Variants in GRM5 observed in about 807,000 individuals in gnomAD.
GRM5 encodes the protein metabotropic glutamate receptor 5.
A neutral mutation model predicts 83.1 loss-of-function variants in GRM5; 19 were observed. The observed-to-expected ratio is 0.23, with a 90% CI of 0.16 to 0.34. GRM5 has a LOEUF of 0.34. Ranked by LOEUF, GRM5 falls within the 10% of genes least tolerant of loss-of-function variation. The probability of loss-of-function intolerance (pLI) is 1.00; values close to 1 mark genes in which losing one functional copy is unlikely to be tolerated. For synonymous variants in GRM5, 675 were observed against 633.6 expected (o/e 1.07, Z -0.98); for missense variants, 1,160 against 1,588.3 (o/e 0.73, Z 4.58).
intron 3 of GRM5, among the ~76,000 whole-genome samples, chr11:88,815,077 G>A (rs1190435372): frequency 2.0e-5 from 3 of 152,022 alleles, no homozygotes; most frequent in Non-Finnish European, 2.9e-5. Context: ...ACTCAACAAG[G>A]GCTAACTGAA....
chr11:88,936,339 T>C (rs182263619), intron 2 of GRM5, among the ~76,000 whole-genome samples: 18 of 152,020 alleles, frequency 1.2e-4, no homozygotes, highest in Non-Finnish European at 7.4e-5. Flanking sequence ...CAGATGACCA[T>C]ATTGTTTTAA....
rs74362030 is a variant in GRM5, at chr11:89,060,305, C to T, written c.-201+5471G>A. ...ATATATACACACACACACACACACA[C>T]ATATATATGAATGAAATATATGTTT... On this transcript the variant is annotated intron_variant, in intron 1 of 9. Transcript: ENST00000305447. 1.3e-3 allele frequency among the ~76,000 whole-genome samples: 199 copies of T among 149,778 alleles called. 1 individual carries two copies. Among genetic ancestry groups the T allele is most frequent in the Non-Finnish European group, 2.3e-3 (156 of 67,316 alleles).
intron 3 of GRM5, among the ~76,000 whole-genome samples, chr11:88,826,030 C>A (rs901235612): frequency 2.0e-5 from 3 of 152,108 alleles, no homozygotes; most frequent in Admixed American, 2.0e-4. Flanking sequence ...TGATGAATCT[C>A]ACTCTAGGTG....
intron 3 of GRM5, among the ~76,000 whole-genome samples, chr11:88,845,242 T>A (rs1427692433): frequency 2.0e-5 from 3 of 151,290 alleles, no homozygotes; most frequent in South Asian, 2.1e-4. Context: ...CCCTAATCAG[T>A]CAGCAGCCAT....
intron 3 of GRM5, among the ~76,000 whole-genome samples, chr11:88,786,868 G>T (rs1943079178): frequency 6.6e-6 from 1 of 151,952 alleles, no homozygotes; most frequent in African/African-American, 2.4e-5. Flanking sequence ...GCTGGACTCT[G>T]GGACAAGAAG....
At position 88,993,217 on chromosome 11, in the gene GRM5, G is replaced by C. The variant is rs1231241345; in HGVS notation, c.661+53995C>G. 3.0e-5 allele frequency among the ~76,000 whole-genome samples: 4 copies of C among 132,836 alleles called. No individual in the cohort carries two copies. In the East Asian group the frequency reaches 9.3e-4, roughly 31 times the overall value. The allele number at this position is 132,836 out of a possible 152,430, so 87.1% of individuals were successfully genotyped here. ...GGAGGCAGAGCTTGCAGTGAGCCGA[G>C]ATTGTGCCACTGCACTCCAGCCTGG... On this transcript the variant is annotated intron_variant, in intron 2 of 9. Coordinates refer to ENST00000305447, the MANE Select transcript of GRM5 (RefSeq NM_001143831.3).
intron 9 of GRM5, among the ~76,000 whole-genome samples, chr11:88,519,594 G>T (rs1819530409): frequency 1.3e-5 from 2 of 152,120 alleles, no homozygotes; most frequent in Non-Finnish European, 2.9e-5. Flanking sequence ...CTCAATAAAT[G>T]TTGGCTGCTT....
chr11:88,762,414 A>G, intron 3 of GRM5, among the ~76,000 whole-genome samples: 1 of 151,966 alleles, frequency 6.6e-6, no homozygotes, highest in East Asian at 1.9e-4. Flanking sequence ...TTTGCAGCCA[A>G]CAAGCATAAG....
intron 3 of GRM5, among the ~76,000 whole-genome samples, chr11:88,683,228 G>A (rs1019641495): frequency 5.9e-5 from 9 of 152,130 alleles, no homozygotes; most frequent in African/African-American, 2.2e-4. Context: ...TCACACTGTG[G>A]TTCATTAATG....
chr11:88,734,578 T>C (rs775420546), intron 3 of GRM5, among the ~76,000 whole-genome samples: 3 of 152,038 alleles, frequency 2.0e-5, no homozygotes, highest in Non-Finnish European at 4.4e-5. Context: ...AGTTACAACA[T>C]AAGTTGATCC....
intron 1 of GRM5, among the ~76,000 whole-genome samples, chr11:89,056,279 A>G (rs922158798): frequency 1.1e-4 from 16 of 152,162 alleles, no homozygotes; most frequent in African/African-American, 2.2e-4. Flanking sequence ...AACATCATCA[A>G]TTCTGAGAAC....
chr11:88,548,037 G>A (rs1354799793), intron 8 of GRM5, among the ~76,000 whole-genome samples: 1 of 152,194 alleles, frequency 6.6e-6, no homozygotes, highest in Non-Finnish European at 1.5e-5. Context: ...CCAAAAATGT[G>A]TGTCCAGGTG....
intron 2 of GRM5, among the ~76,000 whole-genome samples, chr11:88,970,678 G>C (rs1373276382): frequency 6.6e-6 from 1 of 152,192 alleles, no homozygotes; most frequent in Non-Finnish European, 1.5e-5. Flanking sequence ...CAACGCATTG[G>C]TATGATGAGT....
chr11:88,540,764 A>G lies in GRM5; in HGVS notation c.2631-15360T>C, dbSNP rs531394906. On this transcript the variant is annotated intron_variant, in intron 8 of 9. Coordinates refer to ENST00000305447, the MANE Select transcript of GRM5 (RefSeq NM_001143831.3). Reference sequence around the variant, plus strand: ...TTTTTTATTTTTATTTTTTTGAGACAGAGTCTCGCTCTGTCATCCAGGCTG... The same window carrying G: ...TTTTTTATTTTTATTTTTTTGAGACGGAGTCTCGCTCTGTCATCCAGGCTG... Among the ~76,000 whole-genome samples, 130 of 151,952 alleles carry G rather than the reference A, an allele frequency of 8.6e-4. 2 individuals are homozygous for G. In the Middle Eastern group the frequency reaches 0.017, roughly 20 times the overall value.
chr11:88,559,360 G>A (rs956701337), intron 8 of GRM5, among the ~76,000 whole-genome samples: 1 of 152,144 alleles, frequency 6.6e-6, no homozygotes, highest in African/African-American at 2.4e-5. Flanking sequence ...GCTGGAATAA[G>A]GAACACAGCT....
intron 3 of GRM5, among the ~76,000 whole-genome samples, chr11:88,764,779 CT>C (rs1170812013): frequency 6.6e-6 from 1 of 151,218 alleles, no homozygotes; most frequent in African/African-American, 2.4e-5. Flanking sequence ...AGCAACCTAA[CT>C]TTAAGATACT....
chr11:88,698,762 G>A (rs1034095394), intron 3 of GRM5, among the ~76,000 whole-genome samples: 1 of 152,132 alleles, frequency 6.6e-6, no homozygotes, highest in African/African-American at 2.4e-5. Context: ...ATTCTTAATG[G>A]TCAAATTTTC....
At chr11:88,557,089 T>C (rs535686766) in intron 8 of GRM5, among the ~76,000 whole-genome samples, 34 of 152,268 alleles carry the variant, frequency 2.2e-4, no homozygotes, top group African/African-American at 7.5e-4. Flanking sequence ...TGAAGATACA[T>C]AGACCTGCGT....
At chr11:88,736,737 C>T (rs1045923626) in intron 3 of GRM5, among the ~76,000 whole-genome samples, 1 of 151,950 alleles carries the variant, frequency 6.6e-6, no homozygotes, top group Non-Finnish European at 1.5e-5. Flanking sequence ...GCCATGTAAT[C>T]CCTTGCAGGA....
Sources: allele counts gnomAD v4.1 joint callset (sites outside exome capture counted in the v4.1 genomes callset), GRCh38; gene constraint gnomAD v4.1.1; transcripts MANE v1.5; gene names NCBI Gene and HGNC (gene_info 2026-07-23, HGNC 2026-07-21).